Variants in TRIM5 observed in about 807,000 individuals in gnomAD.
The protein encoded by TRIM5 is tripartite motif containing 5.
A neutral mutation model predicts 35.6 loss-of-function variants in TRIM5; 31 were observed. The observed-to-expected ratio is 0.87, with a 90% CI of 0.65 to 1.18. The LOEUF is 1.18. Among genes scored for constraint, TRIM5 ranks in the 50% most tolerant of loss-of-function variants. The pLI, the probability that TRIM5 is intolerant of heterozygous loss-of-function variation, is 0.00. For missense variants in TRIM5, 609 were observed against 591.6 expected, an observed-to-expected ratio of 1.03 and a Z score of -0.31; for synonymous variants, 243 against 215.6, an observed-to-expected ratio of 1.13 and a Z score of -1.11.
At chr11:5,681,947 C>T (rs1288322228) in intron 1 of TRIM5, among the ~76,000 whole-genome samples, 1 of 152,140 alleles carries the variant, frequency 6.6e-6, no homozygotes, top group Admixed American at 6.5e-5. Flanking sequence ...CACAGGCACG[C>T]ACCACCACAC....
the TRIM5 span, among the ~76,000 whole-genome samples, chr11:5,650,961 T>C: frequency 0.14 from 21,478 of 152,218 alleles, 2,025 homozygotes; most frequent in East Asian, 0.43. Context: ...ATGGTCCCAG[T>C]GGCAGGGCAG....
At chr11:5,592,353 T>C in the TRIM5 span, among the ~76,000 whole-genome samples, 4 of 152,168 alleles carry the variant, frequency 2.6e-5, no homozygotes, top group African/African-American at 9.7e-5. Flanking sequence ...ACTTGCATAT[T>C]TAGTCTTCAC....
At chr11:5,629,854 CCCG>C in the TRIM5 span, among the ~76,000 whole-genome samples, 1 of 152,088 alleles carries the variant, frequency 6.6e-6, no homozygotes, top group Non-Finnish European at 1.5e-5. Flanking sequence ...ACTACAGGCG[CCCG>C]CCGCCACCCC....
chr11:5,609,242 G>A, the TRIM5 span, among the ~76,000 whole-genome samples: 28 of 152,120 alleles, frequency 1.8e-4, no homozygotes, highest in African/African-American at 6.3e-4. Context: ...GAACCCTATC[G>A]TCCCTTCTGA....
chr11:5,596,656 G>A, the TRIM5 span: 6 of 519,298 alleles, frequency 1.2e-5, no homozygotes, highest in African/African-American at 8.1e-5. Flanking sequence ...TGGGAGATGA[G>A]CCTTCCGCAA....
chr11:5,643,016 G>C, the TRIM5 span: 1 of 1,305,728 alleles, frequency 7.7e-7, no homozygotes, highest in Non-Finnish European at 1.0e-6. Flanking sequence ...AAGTTTTTCA[G>C]TCACTTCCCA....
At position 5,664,990 on chromosome 11, in the gene TRIM5, C is replaced by G. The variant is rs750970131; in HGVS notation, c.1301G>C (p.Cys434Ser). ...TAGGAAAACTCCAACACGATCAGGA[C>G]AAATAATCACAGAGAGGGGCACAAT... ...PFIVPLSVII[C>S]PDRVGVFLDY... The change falls in exon 8 of 8, where the codon TGT becomes TCT. Residue 434 changes from cysteine to serine, a missense_variant. Coordinates refer to ENST00000380034, the MANE Select transcript of TRIM5 (RefSeq NM_033034.3). 4.5e-5 allele frequency: 72 copies of G among 1,613,898 alleles called. No homozygotes were observed. Among genetic ancestry groups the G allele is most frequent in the Middle Eastern group, 1.6e-4 (1 of 6,084 alleles).
the TRIM5 span, chr11:5,643,136 T>C: frequency 4.4e-5 from 62 of 1,411,100 alleles, 2 homozygotes; most frequent in East Asian, 1.4e-3. Flanking sequence ...TTTTTTTTTT[T>C]CTTGCAGTGG....
chr11:5,680,323 G>A, intron 1 of TRIM5, 85 bp from the exon 2 acceptor site: 2 of 822,292 alleles, frequency 2.4e-6, no homozygotes, highest in African/African-American at 1.7e-5. Flanking sequence ...TAGAAAATGG[G>A]CAAGATGAAA....
the TRIM5 span, chr11:5,619,948 C>G: frequency 6.6e-6 from 1 of 151,270 alleles, no homozygotes; most frequent in East Asian, 2.0e-4. Flanking sequence ...GATCCACCCG[C>G]CTCAGCCTCC....
chr11:5,608,164 A>T, the TRIM5 span, among the ~76,000 whole-genome samples: 2 of 152,212 alleles, frequency 1.3e-5, no homozygotes, highest in Non-Finnish European at 2.9e-5. Context: ...GAAAATCAAG[A>T]CACTGATGAG....
chr11:5,613,266 C>G, the TRIM5 span, among the ~76,000 whole-genome samples: 1 of 152,214 alleles, frequency 6.6e-6, no homozygotes, highest in East Asian at 1.9e-4. Flanking sequence ...GGCTCATGAC[C>G]AGAGAATGAT....
At chr11:5,588,847 T>A in the TRIM5 span, 2 of 151,610 alleles carry the variant, frequency 1.3e-5, no homozygotes, top group Admixed American at 6.6e-5. Flanking sequence ...GCAGTGGTGC[T>A]ATCTCATCCC....
At chr11:5,659,311 C>T (rs905575858), downstream of TRIM5, among the ~76,000 whole-genome samples, 7 of 152,130 alleles carry the variant, frequency 4.6e-5, no homozygotes, top group Non-Finnish European at 1.0e-4. Context: ...TTCCCCCTGT[C>T]GCATGCCCTG....
the TRIM5 span, chr11:5,610,876 C>G: frequency 6.2e-7 from 1 of 1,614,186 alleles, no homozygotes; most frequent in Admixed American, 1.7e-5. Context: ...TCTGGACCTT[C>G]CTGTCTGGAA....
downstream of TRIM5, among the ~76,000 whole-genome samples, chr11:5,661,079 A>G (rs934628451): frequency 7.3e-6 from 1 of 136,298 alleles, no homozygotes; most frequent in South Asian, 2.3e-4. Context: ...AAAAAAAAAA[A>G]AAAAAAAAAA....
chr11:5,635,784 GTCT>G, the TRIM5 span, among the ~76,000 whole-genome samples: 1 of 151,596 alleles, frequency 6.6e-6, no homozygotes, highest in Non-Finnish European at 1.5e-5. Flanking sequence ...TTTTCCTTTT[GTCT>G]TCTTTTTTTG....
the TRIM5 span, among the ~76,000 whole-genome samples, chr11:5,614,007 G>A: frequency 1.3e-5 from 2 of 152,142 alleles, no homozygotes; most frequent in Non-Finnish European, 2.9e-5. Flanking sequence ...GAATTCTATA[G>A]GTAAGACCTG....
chr11:5,664,723 G>C lies in TRIM5; in HGVS notation c.*86C>G. 2 of 1,489,558 alleles carry C rather than the reference G, an allele frequency of 1.3e-6. No individual in the cohort carries two copies. Among genetic ancestry groups the C allele is most frequent in the South Asian group, 3.0e-5 (2 of 67,358 alleles). 92.3% of individuals were successfully genotyped at this position (1,489,558 alleles called of 1,614,324 possible). On this transcript the variant is annotated 3_prime_UTR_variant, in exon 8 of 8. Transcript: ENST00000380034. ...GAAGGGAGACAGCAAGGAAAAGATG[G>C]TTAAAATGATGCAAATGAGTTCAGG...
Sources: gnomAD v4.1 joint callset for allele counts (sites outside exome capture counted in the v4.1 genomes callset) on GRCh38, gnomAD v4.1.1 for gene constraint, MANE v1.5 for transcripts, NCBI Gene and HGNC (gene_info 2026-07-23, HGNC 2026-07-21) for gene names.